Variants in SSH2 observed in about 807,000 individuals in gnomAD.
The protein encoded by SSH2 is protein phosphatase Slingshot homolog 2.
Under a neutral mutation model 135.2 loss-of-function variants are expected in SSH2, and 37 were observed. The ratio of observed to expected loss-of-function variants is 0.27; its 90% confidence interval spans 0.21 to 0.36. SSH2 has a LOEUF of 0.36. SSH2 is among the 10% of genes least tolerant of loss of function. SSH2 has a pLI of 1.00. For synonymous variants in SSH2, 628 were observed against 646.2 expected (o/e 0.97, Z 0.43); for missense variants, 1,408 against 1,765.3 (o/e 0.80, Z 3.63).
chr17:29,694,797 T>C (rs1330780821), intron 5 of SSH2, among the ~76,000 whole-genome samples: 2 of 152,210 alleles, frequency 1.3e-5, no homozygotes, highest in African/African-American at 4.8e-5. Context: ...CACTGCCAGT[T>C]TGAGACCTCC....
chr17:29,911,887 G>T (rs1201021758), intron 1 of SSH2, among the ~76,000 whole-genome samples: 1 of 152,206 alleles, frequency 6.6e-6, no homozygotes, highest in African/African-American at 2.4e-5. Context: ...TAGCCTTCAA[G>T]ATATAGTTCT....
chr17:29,716,368 C>A (rs750896438), intron 3 of SSH2: 2 of 497,990 alleles, frequency 4.0e-6, no homozygotes, highest in Non-Finnish European at 7.4e-6. Flanking sequence ...TCTTAGAGTG[C>A]TTTATGTGCT....
At chr17:29,766,389 TG>T (rs1397864366) in intron 3 of SSH2, among the ~76,000 whole-genome samples, 1 of 150,286 alleles carries the variant, frequency 6.7e-6, no homozygotes, top group African/African-American at 2.5e-5. Flanking sequence ...ACCCGGGAGG[TG>T]GAGGTTGCAG....
intron 1 of SSH2, among the ~76,000 whole-genome samples, chr17:29,860,142 C>T (rs139633347): frequency 2.0e-4 from 30 of 152,074 alleles, no homozygotes; most frequent in African/African-American, 7.2e-4. Context: ...GTCAGCATGC[C>T]GGCGGTAATT....
intron 6 of SSH2, among the ~76,000 whole-genome samples, chr17:29,682,882 G>T (rs951766544): frequency 1.3e-5 from 2 of 152,100 alleles, no homozygotes; most frequent in Admixed American, 1.3e-4. Context: ...TCCTAAATCT[G>T]GTTTACAAGC....
chr17:29,864,505 A>G (rs1466592222), intron 1 of SSH2, among the ~76,000 whole-genome samples: 1 of 151,682 alleles, frequency 6.6e-6, no homozygotes, highest in Non-Finnish European at 1.5e-5. Context: ...TTCTATTGCA[A>G]CTAACGGTGA....
chr17:29,701,132 G>A (rs754658482), intron 4 of SSH2, among the ~76,000 whole-genome samples: 8 of 151,862 alleles, frequency 5.3e-5, no homozygotes, highest in East Asian at 1.9e-4. Context: ...CACCATGTCC[G>A]GCTAATTTTT....
intron 3 of SSH2, among the ~76,000 whole-genome samples, chr17:29,720,411 G>C (rs1342055281): frequency 6.6e-6 from 1 of 152,126 alleles, no homozygotes; most frequent in Non-Finnish European, 1.5e-5. Context: ...TTACTAGGCT[G>C]AACATAAAAA....
chr17:29,860,927 G>A (rs939268052), intron 1 of SSH2, among the ~76,000 whole-genome samples: 1 of 150,456 alleles, frequency 6.6e-6, no homozygotes, highest in African/African-American at 2.5e-5. Context: ...TGTATTTTTA[G>A]TAGAGACAGG....
Position 29,778,251 on chromosome 17 carries a change from A to G in SSH2, c.188+15643T>C, listed in dbSNP as rs553908523. 2.0e-5 allele frequency among the ~76,000 whole-genome samples: 3 copies of G among 152,300 alleles called. No individual in the cohort carries two copies. The East Asian group carries it at 5.8e-4, about 29-fold the overall frequency. On this transcript the variant is annotated intron_variant, in intron 3 of 15. Transcript: ENST00000540801. ...CTGGAATACAGAATTTCTGCTAAACATTGACCCTGGTAATGAGAGAGAAAG... is the reference window on the plus strand; with the variant it reads ...CTGGAATACAGAATTTCTGCTAAACGTTGACCCTGGTAATGAGAGAGAAAG...
chr17:29,761,145 C>A, intron 3 of SSH2: 1 of 1,289,006 alleles, frequency 7.8e-7, no homozygotes, highest in Non-Finnish European at 1.0e-6. Flanking sequence ...GCGCGGCGGA[C>A]TCACAGCTGG....
intron 3 of SSH2, chr17:29,707,056 G>A (rs536828743): frequency 1.3e-5 from 2 of 152,280 alleles, no homozygotes; most frequent in Admixed American, 6.5e-5. Context: ...CGGGGGCTGA[G>A]GCAGGAGAAT....
chr17:29,775,319 G>A (rs947662901), intron 3 of SSH2, among the ~76,000 whole-genome samples: 1 of 146,924 alleles, frequency 6.8e-6, no homozygotes, highest in Non-Finnish European at 1.5e-5. Context: ...GACAGGGTCT[G>A]GCTCTAGCGC....
intron 3 of SSH2, among the ~76,000 whole-genome samples, chr17:29,730,625 G>C (rs1238884553): frequency 6.6e-6 from 1 of 151,850 alleles, no homozygotes; most frequent in Non-Finnish European, 1.5e-5. Context: ...TTTTTGTAGA[G>C]ATAGTGTTTC....
At chr17:29,682,942 C>T (rs1435283577) in intron 6 of SSH2, among the ~76,000 whole-genome samples, 2 of 152,150 alleles carry the variant, frequency 1.3e-5, no homozygotes, top group East Asian at 3.9e-4. Flanking sequence ...GGTATACAAG[C>T]TAATAACTTT....
At chr17:29,681,576 A>C (rs75595862) in intron 6 of SSH2, among the ~76,000 whole-genome samples, 26 of 151,630 alleles carry the variant, frequency 1.7e-4, no homozygotes, top group African/African-American at 5.3e-4. Flanking sequence ...GAAAAAAAAA[A>C]CCCCAAAAAA....
chr17:29,811,498 T>C (rs1459098834), intron 2 of SSH2, among the ~76,000 whole-genome samples: 2 of 152,108 alleles, frequency 1.3e-5, no homozygotes, highest in Admixed American at 6.6e-5. Flanking sequence ...AAGCTATTCA[T>C]TGAAGTTACG....
At chr17:29,710,078 C>G (rs1042331872) in intron 3 of SSH2, among the ~76,000 whole-genome samples, 2 of 152,136 alleles carry the variant, frequency 1.3e-5, no homozygotes, top group African/African-American at 4.8e-5. Context: ...TTGAAATAAT[C>G]TTTGAGGAAT....
At chr17:29,793,702 C>T (rs1173271925) in intron 3 of SSH2, 192 bp downstream of exon 3, 2 of 510,708 alleles carry the variant, frequency 3.9e-6, no homozygotes, top group Non-Finnish European at 7.1e-6. Context: ...TAAGCAATCC[C>T]AAGTAGCTGG....
Sources: allele counts gnomAD v4.1 joint callset (sites outside exome capture counted in the v4.1 genomes callset), GRCh38; gene constraint gnomAD v4.1.1; transcripts MANE v1.5; gene names NCBI Gene and HGNC (gene_info 2026-07-23, HGNC 2026-07-21).